The following MCTP2 variants were observed in gnomAD, a reference collection of about 807,000 sequenced individuals.
MCTP2 encodes the protein multiple C2 and transmembrane domain containing 2.
A neutral mutation model predicts 111.6 loss-of-function variants in MCTP2; 132 were observed. The ratio of observed to expected loss-of-function variants is 1.18; its 90% CI spans 1.03 to 1.37. The LOEUF (loss-of-function observed/expected upper bound fraction) is 1.37, where lower values mean the gene tolerates loss of function less well. Among genes scored for constraint, MCTP2 ranks in the 40% most tolerant of loss-of-function variants. The pLI, the probability that MCTP2 is intolerant of heterozygous loss-of-function variation, is 0.00. For missense variants in MCTP2, 1,183 were observed against 1,067.9 expected, an observed-to-expected ratio of 1.11 and a Z score of -1.50; for synonymous variants, 395 against 387.7, an observed-to-expected ratio of 1.02 and a Z score of -0.22.
At chr15:94,394,697 A>G (rs1000608233) in intron 14 of MCTP2, among the ~76,000 whole-genome samples, 1 of 152,094 alleles carries the variant, frequency 6.6e-6, no homozygotes, top group Non-Finnish European at 1.5e-5. Flanking sequence ...CCTGGGAGGC[A>G]GAGGTTGCAG....
At chr15:94,300,018 C>A (rs1448438745) in intron 2 of MCTP2, among the ~76,000 whole-genome samples, 2 of 152,022 alleles carry the variant, frequency 1.3e-5, no homozygotes, top group East Asian at 3.8e-4. Flanking sequence ...TTCTTTTAAA[C>A]AAAATGCAAA....
intron 14 of MCTP2, among the ~76,000 whole-genome samples, chr15:94,388,913 A>G (rs1435579752): frequency 6.6e-6 from 1 of 152,190 alleles, no homozygotes; most frequent in Admixed American, 6.5e-5. Context: ...AGTATATATC[A>G]TCTCCAAAGC....
rs199956375 is a variant in MCTP2, at chr15:94,345,111, G to A, written c.970-18G>A. The A allele has an allele frequency of 1.6e-5, 26 of 1,611,614 alleles. No homozygotes were observed. The highest frequency in any genetic ancestry group is 1.2e-4 in the South Asian group (11 of 90,938). Reference sequence around the variant, plus strand: ...TTTATTTTGCCATTTTCACCATTCCGCGGACACAAATCTTTAGCGTTGGTC... The same window carrying A: ...TTTATTTTGCCATTTTCACCATTCCACGGACACAAATCTTTAGCGTTGGTC... On this transcript the variant is annotated intron_variant, in intron 7 of 22. Coordinates refer to ENST00000357742, the MANE Select transcript of MCTP2 (RefSeq NM_001385001.1).
Position 94,298,454 on chromosome 15 carries a change from A to G in MCTP2, c.189A>G (p.Pro63=), listed in dbSNP as rs2075377080. 1.2e-6 allele frequency: 2 copies of G among 1,614,032 alleles called. No individual in the cohort carries two copies. The highest frequency in any genetic ancestry group is 1.1e-5 in the South Asian group (1 of 91,084). The change falls in exon 2 of 23, where the codon CCA becomes CCG. Residue 63 remains proline, a synonymous_variant. Coordinates refer to ENST00000357742, the MANE Select transcript of MCTP2 (RefSeq NM_001385001.1). ...TCCTGGAGGCTGAGGCCTTGGCCCCAGAGGGCCGGCCTTACTCCGGGCCAC... is the reference window on the plus strand; with the variant it reads ...TCCTGGAGGCTGAGGCCTTGGCCCCGGAGGGCCGGCCTTACTCCGGGCCAC... The part of the protein sequence containing the change: ...PDLLEAEALA[P]EGRPYSGPQS...
intron 12 of MCTP2, among the ~76,000 whole-genome samples, chr15:94,375,668 G>T (rs2079730885): frequency 6.6e-6 from 1 of 152,078 alleles, no homozygotes; most frequent in Non-Finnish European, 1.5e-5. Flanking sequence ...GTGTCACTTG[G>T]ACCCTTTTCT....
At chr15:94,281,024 G>A (rs1052901995) in intron 1 of MCTP2, among the ~76,000 whole-genome samples, 3 of 152,290 alleles carry the variant, frequency 2.0e-5, no homozygotes, top group Admixed American at 2.0e-4. Context: ...GCCACATGCA[G>A]ATGAGAATGT....
intron 7 of MCTP2, chr15:94,341,967 A>C (rs1436211893): frequency 6.6e-6 from 1 of 152,200 alleles, no homozygotes; most frequent in Non-Finnish European, 1.5e-5. Flanking sequence ...TGATCTTGAC[A>C]GCATTGCTGC....
At chr15:94,319,244 T>C (rs1280700672) in intron 4 of MCTP2, among the ~76,000 whole-genome samples, 3 of 152,232 alleles carry the variant, frequency 2.0e-5, no homozygotes, top group East Asian at 1.9e-4. Flanking sequence ...TTTGAGTGTC[T>C]ACTGTGGGTT....
At chr15:94,351,259 G>A (rs539048435) in intron 8 of MCTP2, among the ~76,000 whole-genome samples, 1 of 152,284 alleles carries the variant, frequency 6.6e-6, no homozygotes, top group East Asian at 1.9e-4. Context: ...ATCCTCTTCA[G>A]ATGATAGAGA....
At chr15:94,340,325 TTAC>T in intron 6 of MCTP2, 50 bp downstream of exon 6, 1 of 1,315,894 alleles carries the variant, frequency 7.6e-7, no homozygotes, top group Non-Finnish European at 1.1e-6. Context: ...TAGAGGGAAC[TTAC>T]GATAATGTTA....
chr15:94,293,458 TC>T (rs1349339744), intron 1 of MCTP2, among the ~76,000 whole-genome samples: 1 of 152,204 alleles, frequency 6.6e-6, no homozygotes, highest in Non-Finnish European at 1.5e-5. Context: ...GTTTTCAACA[TC>T]ACACGTTATT....
chr15:94,366,236 A>G (rs1248122924), intron 10 of MCTP2, among the ~76,000 whole-genome samples: 2 of 152,312 alleles, frequency 1.3e-5, no homozygotes, highest in East Asian at 3.9e-4. Context: ...ATTTAAAAAT[A>G]CTTTTTTTGT....
chr15:94,358,458 ATAT>A, intron 9 of MCTP2, 21 bp from the exon 10 acceptor site: 1 of 1,594,200 alleles, frequency 6.3e-7, no homozygotes, highest in Non-Finnish European at 8.5e-7. Context: ...AAGAAAATAA[ATAT>A]TATAACTGCA....
At chr15:94,237,789 C>T (rs1278834164) in intron 1 of MCTP2, among the ~76,000 whole-genome samples, 1 of 152,038 alleles carries the variant, frequency 6.6e-6, no homozygotes, top group African/African-American at 2.4e-5. Flanking sequence ...GAATAGGAAA[C>T]ATTTGTCATC....
intron 1 of MCTP2, among the ~76,000 whole-genome samples, chr15:94,249,094 A>T (rs988489738): frequency 4.6e-5 from 7 of 152,222 alleles, no homozygotes; most frequent in African/African-American, 1.7e-4. Context: ...GATGACAAAC[A>T]TGATAATATT....
intron 17 of MCTP2, among the ~76,000 whole-genome samples, chr15:94,435,793 G>C (rs1365513854): frequency 1.4e-5 from 2 of 143,706 alleles, no homozygotes; most frequent in Non-Finnish European, 3.1e-5. Context: ...CACTACACCC[G>C]GCTAATTTTT....
intron 10 of MCTP2, among the ~76,000 whole-genome samples, chr15:94,360,604 A>C (rs2078877941): frequency 1.3e-5 from 2 of 152,204 alleles, no homozygotes. Context: ...TAGTAGGTGC[A>C]AAGAATAATG....
chr15:94,282,938 C>A (rs1232441395), intron 1 of MCTP2, among the ~76,000 whole-genome samples: 1 of 152,034 alleles, frequency 6.6e-6, no homozygotes, highest in Admixed American at 6.5e-5. Context: ...TGTTCACAGT[C>A]CCCTAGCAGC....
chr15:94,309,896 A>G (rs1035322658), intron 2 of MCTP2, among the ~76,000 whole-genome samples: 1 of 152,256 alleles, frequency 6.6e-6, no homozygotes. Flanking sequence ...AGTGAGAGCT[A>G]TGCAAGGGAA....
Sources: allele counts gnomAD v4.1 joint callset (sites outside exome capture counted in the v4.1 genomes callset), GRCh38; gene constraint gnomAD v4.1.1; transcripts MANE v1.5; gene names NCBI Gene and HGNC (gene_info 2026-07-23, HGNC 2026-07-21).